Variants in RNGTT observed in about 807,000 individuals in gnomAD.
The protein encoded by RNGTT is mRNA-capping enzyme.
Under a neutral mutation model 79.3 loss-of-function variants are expected in RNGTT, and 33 were observed. That is an observed-to-expected ratio of 0.42 (90% confidence interval 0.32 to 0.56). The LOEUF is 0.56. Among genes scored for constraint, RNGTT ranks in the 20% least tolerant of loss-of-function variants. The probability of loss-of-function intolerance (pLI) is 0.17; values close to 1 mark genes in which losing one functional copy is unlikely to be tolerated. For synonymous variants in RNGTT, 222 were observed against 235.9 expected (o/e 0.94, Z 0.54); for missense variants, 497 against 739.1 (o/e 0.67, Z 3.80).
At chr6:88,890,939 C>T (rs991858162) in intron 7 of RNGTT, among the ~76,000 whole-genome samples, 6 of 152,122 alleles carry the variant, frequency 3.9e-5, no homozygotes, top group African/African-American at 7.2e-5. Context: ...AATTACTTTA[C>T]ATGATATTCT....
Position 88,960,018 on chromosome 6 carries a change from G to A in RNGTT, c.64+3328C>T, listed in dbSNP as rs1785564866. ...GATAATTCATGTATGACCTTCTCTG[G>A]GAAGTCTCACCTGATCTCCTTCTTC... On this transcript the variant is annotated intron_variant, in intron 1 of 15. Coordinates refer to ENST00000369485, the MANE Select transcript of RNGTT (RefSeq NM_003800.5). Among the ~76,000 whole-genome samples, 4 of 151,944 alleles carry A rather than the reference G, an allele frequency of 2.6e-5. No homozygotes were observed. The South Asian group carries it at 8.3e-4, about 32-fold the overall frequency.
intron 9 of RNGTT, among the ~76,000 whole-genome samples, chr6:88,852,178 C>T (rs1307640898): frequency 6.6e-6 from 1 of 151,960 alleles, no homozygotes. Context: ...CCATCATTAC[C>T]ATTCATTCTC....
chr6:88,648,994 G>C (rs1214577787), intron 14 of RNGTT, among the ~76,000 whole-genome samples: 1 of 152,106 alleles, frequency 6.6e-6, no homozygotes, highest in East Asian at 1.9e-4. Context: ...ATAGGTTCTT[G>C]GAAACTGCGA....
chr6:88,831,607 A>G (rs1363448314), intron 11 of RNGTT, among the ~76,000 whole-genome samples: 2 of 152,196 alleles, frequency 1.3e-5, no homozygotes, highest in African/African-American at 2.4e-5. Flanking sequence ...GGCAAGAGAA[A>G]GAAATAAAGT....
At chr6:88,737,611 C>A (rs898965088) in intron 13 of RNGTT, among the ~76,000 whole-genome samples, 1 of 152,040 alleles carries the variant, frequency 6.6e-6, no homozygotes, top group Non-Finnish European at 1.5e-5. Context: ...GGTCCTGATA[C>A]AATAGGATTA....
intron 12 of RNGTT, among the ~76,000 whole-genome samples, chr6:88,791,713 G>A (rs982566997): frequency 3.3e-5 from 5 of 151,768 alleles, no homozygotes; most frequent in African/African-American, 4.8e-5. Context: ...CTAATTTTTT[G>A]TATTTTTAGT....
chr6:88,664,793 C>T (rs543468116), intron 14 of RNGTT, among the ~76,000 whole-genome samples: 5 of 152,254 alleles, frequency 3.3e-5, no homozygotes, highest in East Asian at 3.9e-4. Context: ...ACCAGGCTCA[C>T]GTGCCCCCAA....
chr6:88,641,622 C>G (rs1773324004), intron 14 of RNGTT, among the ~76,000 whole-genome samples: 1 of 152,150 alleles, frequency 6.6e-6, no homozygotes, highest in South Asian at 2.1e-4. Flanking sequence ...ACAATGAGTA[C>G]AAGCTAAGTT....
rs1407938910 is a variant in RNGTT at position 88,882,887 on chromosome 6, C to T, written c.896+7608G>A. Among the ~76,000 whole-genome samples the T allele has an allele frequency of 2.0e-5, 3 of 152,126 alleles. No homozygotes were observed. In the East Asian group the frequency reaches 5.8e-4, roughly 29 times the overall value. ...TGCTAGCATCTTGATTCTGAACTTC[C>T]TAGCCTCCAGAACTATGAAAAATAA... On this transcript the variant is annotated intron_variant, in intron 8 of 15. Transcript: ENST00000369485.
intron 13 of RNGTT, among the ~76,000 whole-genome samples, chr6:88,678,986 C>T (rs1774987176): frequency 6.6e-6 from 1 of 152,020 alleles, no homozygotes; most frequent in Non-Finnish European, 1.5e-5. Flanking sequence ...CCCCTTCCAC[C>T]TCTTCCACCT....
intron 13 of RNGTT, among the ~76,000 whole-genome samples, chr6:88,764,160 G>A (rs1271420975): frequency 2.0e-5 from 3 of 152,084 alleles, no homozygotes; most frequent in Non-Finnish European, 4.4e-5. Context: ...ACCCCAGTTC[G>A]CTGCATGGTA....
chr6:88,730,124 A>C (rs531108935), intron 13 of RNGTT, among the ~76,000 whole-genome samples: 2 of 152,334 alleles, frequency 1.3e-5, no homozygotes, highest in Non-Finnish European at 2.9e-5. Context: ...TAGGAAATGC[A>C]AGAGGAGGGG....
chr6:88,771,101 T>C (rs1281773837), intron 12 of RNGTT, among the ~76,000 whole-genome samples: 1 of 151,746 alleles, frequency 6.6e-6, no homozygotes, highest in Non-Finnish European at 1.5e-5. Context: ...TTCTTTATTT[T>C]AGTAATGTCA....
chr6:88,908,630 T>C (rs1290802227), intron 4 of RNGTT, among the ~76,000 whole-genome samples: 1 of 152,156 alleles, frequency 6.6e-6, no homozygotes, highest in Non-Finnish European at 1.5e-5. Flanking sequence ...CATGGTCCTC[T>C]GGGATCCTAG....
chr6:88,928,948 A>G, intron 4 of RNGTT, 37 bp downstream of exon 4: 1 of 1,467,732 alleles, frequency 6.8e-7, no homozygotes, highest in East Asian at 2.3e-5. Context: ...ACTGCAAAAT[A>G]AAATATTCAA....
intron 14 of RNGTT, among the ~76,000 whole-genome samples, chr6:88,667,280 A>G (rs1036786105): frequency 6.6e-6 from 1 of 152,248 alleles, no homozygotes; most frequent in African/African-American, 2.4e-5. Flanking sequence ...AAGAGTAGCC[A>G]TGCCACAGCT....
chr6:88,909,238 A>G (rs1783755972), intron 4 of RNGTT, among the ~76,000 whole-genome samples: 1 of 152,180 alleles, frequency 6.6e-6, no homozygotes, highest in South Asian at 2.1e-4. Flanking sequence ...AAGCCTGGCC[A>G]GTCTGGTTGC....
chr6:88,802,874 G>C (rs966877776), intron 11 of RNGTT, among the ~76,000 whole-genome samples: 3 of 152,124 alleles, frequency 2.0e-5, no homozygotes, highest in Admixed American at 6.5e-5. Context: ...CTAGACTCTG[G>C]CCAATTAACA....
chr6:88,779,037 A>C (rs1778979101), intron 12 of RNGTT, among the ~76,000 whole-genome samples: 1 of 152,158 alleles, frequency 6.6e-6, no homozygotes, highest in South Asian at 2.1e-4. Context: ...TTGTCAACCC[A>C]TTAGTGAAGA....
Sources: allele counts gnomAD v4.1 joint callset (sites outside exome capture counted in the v4.1 genomes callset), GRCh38; gene constraint gnomAD v4.1.1; transcripts MANE v1.5; gene names NCBI Gene and HGNC (gene_info 2026-07-23, HGNC 2026-07-21).